ASAP2: variants seen among roughly 807,000 people sequenced by gnomAD.
The protein encoded by ASAP2 is arf-GAP with SH3 domain, ANK repeat and PH domain-containing protein 2.
In ASAP2, 45 loss-of-function variants were observed where a neutral mutation model predicts 131.4. The ratio of observed to expected loss-of-function variants is 0.34; its 90% CI spans 0.27 to 0.44. ASAP2 has a LOEUF of 0.44. Among genes scored for constraint, ASAP2 ranks in the 20% least tolerant of loss-of-function variants. The probability of loss-of-function intolerance (pLI) is 1.00; values close to 1 mark genes in which losing one functional copy is unlikely to be tolerated. For synonymous variants in ASAP2, 510 were observed against 503.0 expected, an observed-to-expected ratio of 1.01 and a Z score of -0.19; for missense variants, 1,011 against 1,297.0, an observed-to-expected ratio of 0.78 and a Z score of 3.39.
chr2:9,278,468 G>A (rs1166787925), intron 1 of ASAP2, among the ~76,000 whole-genome samples: 1 of 150,540 alleles, frequency 6.6e-6, no homozygotes, highest in African/African-American at 2.5e-5. Flanking sequence ...AGCCAAGATC[G>A]TGCCACTGCA....
chr2:9,208,136 A>C (rs1426815908), intron 1 of ASAP2, among the ~76,000 whole-genome samples: 2 of 152,102 alleles, frequency 1.3e-5, no homozygotes, highest in Non-Finnish European at 2.9e-5. Flanking sequence ...TACCCATCAA[A>C]CGGGATTAGT....
intron 3 of ASAP2, among the ~76,000 whole-genome samples, chr2:9,308,568 G>A (rs773975393): frequency 7.2e-5 from 11 of 152,160 alleles, no homozygotes; most frequent in Non-Finnish European, 1.2e-4. Flanking sequence ...AGGGCTTTTC[G>A]ATGGAGACAG....
At chr2:9,263,069 C>T (rs981721029) in intron 1 of ASAP2, among the ~76,000 whole-genome samples, 4 of 152,026 alleles carry the variant, frequency 2.6e-5, no homozygotes, top group East Asian at 1.9e-4. Flanking sequence ...ACTCTGAGCT[C>T]GGCTGCCTTC....
At chr2:9,334,967 G>A (rs1447541115) in intron 8 of ASAP2, 126 bp from the exon 9 acceptor site, 1 of 1,349,320 alleles carries the variant, frequency 7.4e-7, no homozygotes, top group African/African-American at 1.5e-5. Flanking sequence ...TGGTGGGAGG[G>A]AAGGTTTGAC....
intron 11 of ASAP2, among the ~76,000 whole-genome samples, chr2:9,346,141 A>G (rs1321129518): frequency 6.6e-6 from 1 of 152,132 alleles, no homozygotes; most frequent in Admixed American, 6.5e-5. Context: ...TTAATGGGAC[A>G]TTATGGGCAG....
At chr2:9,360,709 T>C (rs1673022463) in intron 15 of ASAP2, among the ~76,000 whole-genome samples, 1 of 152,240 alleles carries the variant, frequency 6.6e-6, no homozygotes, top group African/African-American at 2.4e-5. Flanking sequence ...ACACAGTGGA[T>C]GTAAATAACT....
chr2:9,361,974 C>CGTGTGTGTGTGT (rs70948815), intron 15 of ASAP2, among the ~76,000 whole-genome samples: 6,685 of 143,172 alleles, frequency 0.047, 222 homozygotes, highest in Middle Eastern at 0.1. Context: ...TCTTTCTCTG[C>CGTGTGTGTGTGT]GTGTGTGTGT....
At chr2:9,344,348 G>T (rs185445526) in intron 9 of ASAP2, among the ~76,000 whole-genome samples, 184 bp from the exon 10 acceptor site, 1 of 152,264 alleles carries the variant, frequency 6.6e-6, no homozygotes, top group Non-Finnish European at 1.5e-5. Context: ...CTGATAGATG[G>T]CATTTATCAG....
chr2:9,365,085 A>G (rs1206839610), intron 15 of ASAP2, among the ~76,000 whole-genome samples: 1 of 152,214 alleles, frequency 6.6e-6, no homozygotes, highest in African/African-American at 2.4e-5. Context: ...ATGTACCTAC[A>G]CTTACTAAGA....
intron 3 of ASAP2, among the ~76,000 whole-genome samples, chr2:9,307,196 C>T (rs1159340689): frequency 6.6e-6 from 1 of 152,180 alleles, no homozygotes; most frequent in Non-Finnish European, 1.5e-5. Context: ...GTTGGACTTC[C>T]CCTAGAGTTT....
At chr2:9,323,362 G>T in intron 6 of ASAP2, 112 bp downstream of exon 6, 1 of 1,459,680 alleles carries the variant, frequency 6.9e-7, no homozygotes, top group Non-Finnish European at 9.3e-7. Flanking sequence ...CACATGCATT[G>T]CTGGACTCCC....
intron 15 of ASAP2, among the ~76,000 whole-genome samples, chr2:9,367,005 T>A (rs182529776): frequency 6.6e-6 from 1 of 151,394 alleles, no homozygotes; most frequent in South Asian, 2.1e-4. Context: ...AAAGCATGTT[T>A]GTTAACTCCT....
At chr2:9,280,403 C>T (rs1053215850) in intron 2 of ASAP2, among the ~76,000 whole-genome samples, 1 of 152,048 alleles carries the variant, frequency 6.6e-6, no homozygotes, top group Non-Finnish European at 1.5e-5. Flanking sequence ...CTCCAGTTGC[C>T]GCTCTTGATT....
intron 12 of ASAP2, among the ~76,000 whole-genome samples, chr2:9,351,097 C>A (rs552408966): frequency 2.6e-5 from 4 of 152,220 alleles, no homozygotes; most frequent in Non-Finnish European, 4.4e-5. Context: ...ACTTTGAGGG[C>A]TGGCCCTGCT....
At chr2:9,248,551 T>C (rs774945398) in intron 1 of ASAP2, among the ~76,000 whole-genome samples, 3 of 152,016 alleles carry the variant, frequency 2.0e-5, no homozygotes, top group Non-Finnish European at 4.4e-5. Flanking sequence ...GCGTTTTGGG[T>C]CTCGGTTTCT....
chr2:9,253,083 G>A (rs779147751), intron 1 of ASAP2, among the ~76,000 whole-genome samples: 22 of 152,206 alleles, frequency 1.4e-4, no homozygotes, highest in Admixed American at 2.6e-4. Context: ...AACGAAAGTC[G>A]TTTTTTGTTG....
rs570314492 is a variant in ASAP2 at position 9,404,320 on chromosome 2, T to C, written c.*993T>C. 1 of 152,356 alleles carries C rather than the reference T, an allele frequency of 6.6e-6. No individual in the cohort carries two copies. The highest frequency in any genetic ancestry group is 1.9e-4 in the East Asian group (1 of 5,188). The allele number at this position is 152,356 out of a possible 1,614,324, so 9.4% of individuals were successfully genotyped here. A position where few individuals can be genotyped will look rare whatever the true frequency, so the allele number is the denominator to read the frequency against. On this transcript the variant is annotated 3_prime_UTR_variant, in exon 28 of 28. Coordinates refer to ENST00000281419, the MANE Select transcript of ASAP2 (RefSeq NM_003887.3). ...GAATGGTAGTCACACTGTCTTGAAA[T>C]TGAATCTGTCCATCTGTTTATAATC...
At chr2:9,258,941 T>C (rs1217513505) in intron 1 of ASAP2, among the ~76,000 whole-genome samples, 1 of 152,212 alleles carries the variant, frequency 6.6e-6, no homozygotes, top group Non-Finnish European at 1.5e-5. Context: ...TCTGCAGCCC[T>C]CCAGTGATAT....
chr2:9,291,850 G>A (rs1667832270), intron 2 of ASAP2, among the ~76,000 whole-genome samples: 2 of 152,130 alleles, frequency 1.3e-5, no homozygotes, highest in South Asian at 4.1e-4. Flanking sequence ...AGCACTTGGT[G>A]TTCAGGTTAA....
Sources: allele counts gnomAD v4.1 joint callset (sites outside exome capture counted in the v4.1 genomes callset), GRCh38; gene constraint gnomAD v4.1.1; transcripts MANE v1.5; gene names NCBI Gene and HGNC (gene_info 2026-07-23, HGNC 2026-07-21).